EGFLAM: variants seen among roughly 807,000 people sequenced by gnomAD.
The protein encoded by EGFLAM is EGF like, fibronectin type III and laminin G domains, also known as pikachurin.
In EGFLAM, 79 loss-of-function variants were observed where a neutral mutation model predicts 113.1. The ratio of observed to expected loss-of-function variants is 0.70; its 90% CI spans 0.58 to 0.84. The LOEUF is 0.84. EGFLAM is among the 40% of genes least tolerant of loss of function. The pLI is 0.00. For missense variants in EGFLAM, 1,265 were observed against 1,291.6 expected (o/e 0.98, Z 0.32); for synonymous variants, 504 against 487.6 (o/e 1.03, Z -0.44).
intron 1 of EGFLAM, among the ~76,000 whole-genome samples, chr5:38,316,011 A>G (rs1321458314): frequency 6.9e-6 from 1 of 145,828 alleles, no homozygotes; most frequent in Non-Finnish European, 1.5e-5. Flanking sequence ...CGGCATGCGG[A>G]GGTTGCAATG....
chr5:38,326,777 C>T (rs1738895743), intron 1 of EGFLAM, among the ~76,000 whole-genome samples: 1 of 151,594 alleles, frequency 6.6e-6, no homozygotes, highest in South Asian at 2.1e-4. Flanking sequence ...CAGGCGTGAG[C>T]CACCGCGCCT....
At chr5:38,361,292 T>C (rs1739913997) in intron 5 of EGFLAM, among the ~76,000 whole-genome samples, 1 of 152,216 alleles carries the variant, frequency 6.6e-6, no homozygotes. Flanking sequence ...CCTGCCTGAC[T>C]ACGTTCCTCT....
intron 1 of EGFLAM, among the ~76,000 whole-genome samples, chr5:38,266,620 G>A (rs115240059): frequency 0.01 from 1,526 of 152,274 alleles, 23 homozygotes; most frequent in African/African-American, 0.032. Context: ...GATGTAACTT[G>A]TATTGAATTG....
chr5:38,298,113 G>A (rs1416945511), intron 1 of EGFLAM, among the ~76,000 whole-genome samples: 1 of 152,172 alleles, frequency 6.6e-6, no homozygotes, highest in Non-Finnish European at 1.5e-5. Flanking sequence ...TAGATAAGAG[G>A]GGATCTGTTG....
At chr5:38,371,147 A>C (rs1281119154) in intron 6 of EGFLAM, among the ~76,000 whole-genome samples, 1 of 152,152 alleles carries the variant, frequency 6.6e-6, no homozygotes, top group Non-Finnish European at 1.5e-5. Context: ...CGTTTTTTGT[A>C]TTTGGGGAGT....
intron 3 of EGFLAM, among the ~76,000 whole-genome samples, chr5:38,344,186 T>C (rs1366749538): frequency 1.3e-5 from 2 of 152,230 alleles, no homozygotes; most frequent in Non-Finnish European, 1.5e-5. Flanking sequence ...GTGAAAAGTA[T>C]GCAGTAAAGA....
At chr5:38,417,157 G>A (rs1024205043) in intron 11 of EGFLAM, among the ~76,000 whole-genome samples, 1 of 151,976 alleles carries the variant, frequency 6.6e-6, no homozygotes, top group Non-Finnish European at 1.5e-5. Flanking sequence ...TTTGAGACCA[G>A]CCTGACCAAC....
At chr5:38,397,262 T>C (rs1579866800) in intron 6 of EGFLAM, among the ~76,000 whole-genome samples, 2 of 152,188 alleles carry the variant, frequency 1.3e-5, no homozygotes, top group African/African-American at 2.4e-5. Flanking sequence ...TTGAAGGGAC[T>C]GGTTCCAGCA....
chr5:38,451,369 T>C lies in EGFLAM; in HGVS notation c.2598T>C (p.Asp866=), dbSNP rs375142235. The change falls in exon 19 of 22, where the codon GAT becomes GAC. Residue 866 remains aspartate (D), a synonymous_variant. Transcript: ENST00000322350. ...TGAGGTTTAAAACAACTGCCAAGGATGGCCTTTTGCTGTGGAGGGGAGACA... is the reference window on the plus strand; with the variant it reads ...TGAGGTTTAAAACAACTGCCAAGGACGGCCTTTTGCTGTGGAGGGGAGACA... The part of the protein sequence containing the change: ...VFMRFKTTAK[D]GLLLWRGDSP... 2 of 1,614,134 alleles carry C rather than the reference T, an allele frequency of 1.2e-6. No homozygotes were observed. The highest frequency in any genetic ancestry group is 2.2e-5 in the East Asian group (1 of 44,888).
At chr5:38,407,953 C>A in intron 9 of EGFLAM, 48 bp downstream of exon 9, 1 of 1,400,384 alleles carries the variant, frequency 7.1e-7, no homozygotes, top group Non-Finnish European at 1.0e-6. Flanking sequence ...CACTTTAACA[C>A]AGCAATGTGC....
chr5:38,369,468 G>A (rs1740149540), intron 5 of EGFLAM, among the ~76,000 whole-genome samples: 2 of 152,226 alleles, frequency 1.3e-5, no homozygotes, highest in African/African-American at 4.8e-5. Flanking sequence ...CTAGTTCTGT[G>A]AAGAAGTCCC....
chr5:38,331,603 TG>T (rs1255875460), intron 1 of EGFLAM, among the ~76,000 whole-genome samples: 1 of 152,192 alleles, frequency 6.6e-6, no homozygotes, highest in Non-Finnish European at 1.5e-5. Context: ...GGTTATTTTA[TG>T]GTTCTATTTT....
chr5:38,295,949 C>T (rs917667746), intron 1 of EGFLAM, among the ~76,000 whole-genome samples: 3 of 152,108 alleles, frequency 2.0e-5, no homozygotes, highest in African/African-American at 7.2e-5. Context: ...TTGCAAAACA[C>T]AATCAGAGAC....
chr5:38,379,535 C>T (rs888313287), intron 6 of EGFLAM, among the ~76,000 whole-genome samples: 1 of 151,726 alleles, frequency 6.6e-6, no homozygotes, highest in Admixed American at 6.6e-5. Flanking sequence ...GGAGGGGATC[C>T]GTTGGCAGTT....
intron 6 of EGFLAM, among the ~76,000 whole-genome samples, chr5:38,399,187 A>G (rs1741038301): frequency 6.6e-6 from 1 of 151,954 alleles, no homozygotes; most frequent in Non-Finnish European, 1.5e-5. Flanking sequence ...CCACTATGCT[A>G]GGTGGAGAGG....
chr5:38,316,487 T>C (rs1738597794), intron 1 of EGFLAM, among the ~76,000 whole-genome samples: 1 of 152,218 alleles, frequency 6.6e-6, no homozygotes, highest in Non-Finnish European at 1.5e-5. Flanking sequence ...ACAATAATAG[T>C]GCCTGCCTAG....
At chr5:38,341,441 C>A (rs1300645608) in intron 3 of EGFLAM, among the ~76,000 whole-genome samples, 1 of 152,180 alleles carries the variant, frequency 6.6e-6, no homozygotes, top group African/African-American at 2.4e-5. Context: ...ATGGGATAAA[C>A]CACTTCCATG....
chr5:38,420,501 A>G (rs1451241696), intron 12 of EGFLAM, among the ~76,000 whole-genome samples: 1 of 152,208 alleles, frequency 6.6e-6, no homozygotes, highest in Non-Finnish European at 1.5e-5. Context: ...AAATTTTTGC[A>G]ACTCAGTCTC....
At chr5:38,341,571 TATAACTACTTAATAAATGGA>T (rs1739338748) in intron 3 of EGFLAM, among the ~76,000 whole-genome samples, 1 of 152,226 alleles carries the variant, frequency 6.6e-6, no homozygotes, top group Non-Finnish European at 1.5e-5. Flanking sequence ...GTTGTTTGGA[TATAACTACTTAATAAATGGA>T]ACAGTTAGAC....
Sources: gnomAD v4.1 joint callset for allele counts (sites outside exome capture counted in the v4.1 genomes callset) on GRCh38, gnomAD v4.1.1 for gene constraint, MANE v1.5 for transcripts, NCBI Gene and HGNC (gene_info 2026-07-23, HGNC 2026-07-21) for gene names.